ADK: variants seen among roughly 807,000 people sequenced by gnomAD.
The protein encoded by ADK is N6,N6-dimethyladenosine kinase.
Under a neutral mutation model 44.7 loss-of-function variants are expected in ADK, and 24 were observed. The observed-to-expected ratio is 0.54, with a 90% CI of 0.39 to 0.76. ADK has a LOEUF of 0.76. ADK is among the 30% of genes least tolerant of loss of function. The pLI is 0.00. For missense variants in ADK, 321 were observed against 425.1 expected (o/e 0.76, Z 2.15); for synonymous variants, 128 against 142.6 (o/e 0.90, Z 0.73).
chr10:74,321,395 T>A (rs1375221467), intron 4 of ADK, among the ~76,000 whole-genome samples: 1 of 152,036 alleles, frequency 6.6e-6, no homozygotes, highest in Non-Finnish European at 1.5e-5. Context: ...GGAATTCTCC[T>A]GCCTCAGCCT....
At chr10:74,223,627 A>G (rs1054103550) in intron 2 of ADK, among the ~76,000 whole-genome samples, 10 of 152,008 alleles carry the variant, frequency 6.6e-5, no homozygotes, top group Non-Finnish European at 1.5e-4. Flanking sequence ...ATTTCTGTGT[A>G]CCCTTCAGAA....
At chr10:74,480,863 A>G (rs1442048635) in intron 6 of ADK, among the ~76,000 whole-genome samples, 1 of 152,140 alleles carries the variant, frequency 6.6e-6, no homozygotes, top group Non-Finnish European at 1.5e-5. Flanking sequence ...CTATTTCTGG[A>G]AAGTTTTCTT....
At chr10:74,189,978 A>G (rs534427188) in intron 1 of ADK, among the ~76,000 whole-genome samples, 1 of 152,206 alleles carries the variant, frequency 6.6e-6, no homozygotes, top group African/African-American at 2.4e-5. Context: ...ATATGCCCCA[A>G]TTTATCCATT....
chr10:74,636,004 G>A (rs552898738), intron 9 of ADK, among the ~76,000 whole-genome samples: 111 of 151,792 alleles, frequency 7.3e-4, no homozygotes, highest in Admixed American at 1.8e-3. Context: ...AAGGAGGTTC[G>A]TGGAGCCCAG....
intron 3 of ADK, among the ~76,000 whole-genome samples, chr10:74,260,546 C>G (rs6480729): frequency 2.6e-5 from 4 of 152,184 alleles, no homozygotes; most frequent in African/African-American, 9.7e-5. Context: ...GCCACTGTGC[C>G]CAGCCTTAGA....
In ADK at chr10:74,398,460, GGTT is replaced by G; in HGVS notation, c.447-7_447-5del. The G allele has an allele frequency of 6.4e-7, 1 of 1,556,608 alleles. No individual in the cohort carries two copies. Among genetic ancestry groups the G allele is most frequent in the Non-Finnish European group, 8.9e-7 (1 of 1,129,794 alleles). ...CTATAATATTACTTGCTTATTCTTTGGTTGTTTTAGGTCCCTCATAGCTAATCT... is the reference window on the plus strand; with the variant it reads ...CTATAATATTACTTGCTTATTCTTTGGTTTTAGGTCCCTCATAGCTAATCT... On this transcript the variant is annotated splice_polypyrimidine_tract_variant and splice_region_variant and intron_variant, in intron 5 of 10. Coordinates refer to ENST00000539909, the MANE Select transcript of ADK (RefSeq NM_006721.4).
chr10:74,319,830 T>C (rs1206771052), intron 4 of ADK, among the ~76,000 whole-genome samples: 1 of 152,244 alleles, frequency 6.6e-6, no homozygotes, highest in Non-Finnish European at 1.5e-5. Context: ...AATACCAATG[T>C]AGTTTCAATA....
chr10:74,415,529 T>G (rs1844340009), intron 6 of ADK, among the ~76,000 whole-genome samples: 1 of 152,200 alleles, frequency 6.6e-6, no homozygotes, highest in Non-Finnish European at 1.5e-5. Context: ...TTAATATGAT[T>G]TACCCCACAT....
chr10:74,329,146 G>A (rs181734368), intron 4 of ADK, among the ~76,000 whole-genome samples: 1 of 146,558 alleles, frequency 6.8e-6, no homozygotes, highest in African/African-American at 2.5e-5. Flanking sequence ...TCTATAGGGT[G>A]TGGAGAACCA....
intron 4 of ADK, among the ~76,000 whole-genome samples, chr10:74,328,229 G>A (rs1021084664): frequency 6.6e-6 from 1 of 152,084 alleles, no homozygotes; most frequent in African/African-American, 2.4e-5. Flanking sequence ...AATTTTTGAT[G>A]TTACAACTTA....
chr10:74,384,810 C>T (rs1291580036), intron 4 of ADK, among the ~76,000 whole-genome samples: 1 of 152,140 alleles, frequency 6.6e-6, no homozygotes, highest in Non-Finnish European at 1.5e-5. Context: ...TGTACTGGAA[C>T]ATTGCATTCA....
At chr10:74,563,650 G>A (rs1850541523) in intron 7 of ADK, among the ~76,000 whole-genome samples, 1 of 152,128 alleles carries the variant, frequency 6.6e-6, no homozygotes, top group Non-Finnish European at 1.5e-5. Context: ...AAATGAAATA[G>A]ATTTAAAAAT....
intron 4 of ADK, among the ~76,000 whole-genome samples, chr10:74,358,744 T>C (rs1377872125): frequency 1.3e-5 from 2 of 152,224 alleles, no homozygotes; most frequent in Non-Finnish European, 2.9e-5. Flanking sequence ...TCCAGCTCCA[T>C]TCATAAATAT....
chr10:74,649,812 G>A (rs182886621), intron 9 of ADK, among the ~76,000 whole-genome samples: 234 of 152,204 alleles, frequency 1.5e-3, no homozygotes, highest in African/African-American at 5.5e-3. Context: ...TAGATAAGAT[G>A]TTCACATTTT....
chr10:74,262,682 G>A (rs1249857769), intron 3 of ADK, among the ~76,000 whole-genome samples: 1 of 66,162 alleles, frequency 1.5e-5, no homozygotes, highest in Non-Finnish European at 4.2e-5. Flanking sequence ...ATTCAGTCAT[G>A]TTGTGATACT....
chr10:74,482,095 G>A (rs1455765813), intron 6 of ADK, among the ~76,000 whole-genome samples: 2 of 152,186 alleles, frequency 1.3e-5, no homozygotes, highest in African/African-American at 2.4e-5. Flanking sequence ...AACTGTGTTT[G>A]TATTAGTCCT....
intron 1 of ADK, among the ~76,000 whole-genome samples, chr10:74,163,835 C>T (rs1841964843): frequency 6.6e-6 from 1 of 152,170 alleles, no homozygotes; most frequent in Non-Finnish European, 1.5e-5. Context: ...AACTTAACCA[C>T]ATAGAGATTT....
chr10:74,457,636 G>A (rs1234915041), intron 6 of ADK, among the ~76,000 whole-genome samples: 1 of 152,206 alleles, frequency 6.6e-6, no homozygotes, highest in Non-Finnish European at 1.5e-5. Context: ...ATCAGTGATA[G>A]ACGGGATAAA....
chr10:74,307,779 A>T (rs1232668480), intron 3 of ADK, among the ~76,000 whole-genome samples: 1 of 152,166 alleles, frequency 6.6e-6, no homozygotes, highest in Admixed American at 6.5e-5. Context: ...ATTATAAACC[A>T]TGGACTCTGG....
Sources: allele counts gnomAD v4.1 joint callset (sites outside exome capture counted in the v4.1 genomes callset), GRCh38; gene constraint gnomAD v4.1.1; transcripts MANE v1.5; gene names NCBI Gene and HGNC (gene_info 2026-07-23, HGNC 2026-07-21).